The following ZFAND4 variants were observed in gnomAD, a reference collection of about 807,000 sequenced individuals.
ZFAND4 encodes the protein AN1-type zinc finger protein 4.
ZFAND4 carries 43 observed loss-of-function variants against 64.4 expected under a neutral mutation model. The ratio of observed to expected loss-of-function variants is 0.67; its 90% CI spans 0.52 to 0.86. The LOEUF is 0.86. Among genes scored for constraint, ZFAND4 ranks in the 40% least tolerant of loss-of-function variants. The probability of loss-of-function intolerance (pLI) is 0.00; values close to 1 mark genes in which losing one functional copy is unlikely to be tolerated. For missense variants in ZFAND4, 929 were observed against 859.8 expected, an observed-to-expected ratio of 1.08 and a Z score of -1.01; for synonymous variants, 296 against 305.7, an observed-to-expected ratio of 0.97 and a Z score of 0.33.
chr10:45,625,398 C>T (rs1036323036), intron 7 of ZFAND4, among the ~76,000 whole-genome samples: 2 of 146,810 alleles, frequency 1.4e-5, no homozygotes, highest in East Asian at 2.1e-4. Context: ...GGCGTGAACC[C>T]GGGAGGCAGA....
intron 6 of ZFAND4, among the ~76,000 whole-genome samples, chr10:45,635,824 T>A (rs1027402576): frequency 3.3e-5 from 5 of 152,220 alleles, no homozygotes; most frequent in African/African-American, 1.2e-4. Flanking sequence ...TGTTATACAC[T>A]TAACATTACT....
rs1173808756 is a variant in ZFAND4, at chr10:45,635,195, C to CAAAAAAAA, written c.717+4613_717+4620dup. Among the ~76,000 whole-genome samples the CAAAAAAAA allele has an allele frequency of 1.6e-3, 44 of 27,574 alleles. 1 individual carries two copies. Among genetic ancestry groups the CAAAAAAAA allele is most frequent in the African/African-American group, 2.9e-3 (17 of 5,862 alleles). The allele number at this position is 27,574 out of a possible 152,430, so 18.1% of individuals were successfully genotyped here. On this transcript the variant is annotated intron_variant, in intron 6 of 9. Transcript: ENST00000344646. The stretch of plus-strand genomic sequence containing the variant: ...CACAGAATAGTCAAAGCCATCTAAG[C>CAAAAAAAA]AAAAAAAAAAAAAAAAAACAAAAAA...
intron 5 of ZFAND4, among the ~76,000 whole-genome samples, chr10:45,648,081 A>G (rs1415536162): frequency 2.0e-5 from 3 of 152,196 alleles, no homozygotes; most frequent in African/African-American, 4.8e-5. Flanking sequence ...TCTATAATCT[A>G]TTAGGCATCT....
chr10:45,632,347 G>A (rs1444716540), intron 6 of ZFAND4, among the ~76,000 whole-genome samples: 1 of 152,146 alleles, frequency 6.6e-6, no homozygotes, highest in Non-Finnish European at 1.5e-5. Flanking sequence ...GACAGGGCAA[G>A]ACTCCATCTC....
intron 1 of ZFAND4, among the ~76,000 whole-genome samples, chr10:45,666,881 C>T (rs2048860088): frequency 6.6e-6 from 1 of 152,146 alleles, no homozygotes; most frequent in Admixed American, 6.5e-5. Flanking sequence ...CCAGTACCAC[C>T]ACATCTTAAT....
Position 45,651,955 on chromosome 10 carries a change from T to C in ZFAND4, c.328+11A>G, listed in dbSNP as rs370812407. 2.2e-5 allele frequency: 36 copies of C among 1,610,772 alleles called. No individual in the cohort carries two copies. The South Asian group carries it at 3.5e-4, about 16-fold the overall frequency. On this transcript the variant is annotated intron_variant, in intron 4 of 9. Coordinates refer to ENST00000344646, the MANE Select transcript of ZFAND4 (RefSeq NM_174890.4). The stretch of plus-strand genomic sequence containing the variant: ...TACTGTCAAATTGCTTTAATATATA[T>C]ATATGCCTACCTCTTCTAGTATTTA...
At chr10:45,634,330 C>T (rs1465309818) in intron 6 of ZFAND4, among the ~76,000 whole-genome samples, 1 of 152,042 alleles carries the variant, frequency 6.6e-6, no homozygotes, top group Non-Finnish European at 1.5e-5. Context: ...CAAGACCATT[C>T]TGGCCAACAT....
Position 45,616,393 on chromosome 10 carries a change from A to G in ZFAND4, c.*43T>C, listed in dbSNP as rs781421332. On this transcript the variant is annotated 3_prime_UTR_variant, in exon 10 of 10. Transcript: ENST00000344646. The stretch of plus-strand genomic sequence containing the variant: ...TCTAAACAACATTTCTTCTGTCATT[A>G]TAATACGAATCCCGGGCAGAACAGT... The G allele has an allele frequency of 1.2e-6, 2 of 1,602,940 alleles. No homozygotes were observed. The highest frequency in any genetic ancestry group is 2.3e-5 in the South Asian group (2 of 88,760).
intron 1 of ZFAND4, among the ~76,000 whole-genome samples, chr10:45,666,667 G>A (rs1283146920): frequency 6.6e-6 from 1 of 152,162 alleles, no homozygotes; most frequent in African/African-American, 2.4e-5. Context: ...TAGGTGTACT[G>A]TCCAATTTCA....
chr10:45,625,958 A>T lies in ZFAND4; in HGVS notation c.1865T>A (p.Val622Asp), dbSNP rs767711108. The T allele has an allele frequency of 6.2e-7, 1 of 1,612,146 alleles. No homozygotes were observed. The highest frequency in any genetic ancestry group is 1.1e-5 in the South Asian group (1 of 90,818). The change falls in exon 7 of 10, where the codon GTT becomes GAT. Residue 622 changes from valine to aspartate, a missense_variant. By Grantham distance (152) the Val-to-Asp change is radical. Coordinates refer to ENST00000344646, the MANE Select transcript of ZFAND4 (RefSeq NM_174890.4). ...KSSPQLEHTG[V>D]FLSTHGVGMN... Reference sequence around the variant, plus strand: ...TGAAAGGAAAATACTGACCAAAAAAACTCCTGTATGTTCTAACTGGGGAGA... The same window carrying T: ...TGAAAGGAAAATACTGACCAAAAAATCTCCTGTATGTTCTAACTGGGGAGA...
intron 5 of ZFAND4, among the ~76,000 whole-genome samples, chr10:45,647,505 C>T (rs1406502539): frequency 6.7e-6 from 1 of 149,868 alleles, no homozygotes; most frequent in Non-Finnish European, 1.5e-5. Context: ...GCTTTGTCTG[C>T]TTGGCAAACT....
intron 5 of ZFAND4, among the ~76,000 whole-genome samples, chr10:45,642,144 T>G (rs747362198): frequency 6.6e-6 from 1 of 152,200 alleles, no homozygotes; most frequent in Admixed American, 6.5e-5. Flanking sequence ...TCAGTTACCT[T>G]GCAATATTTT....
chr10:45,656,985 T>G (rs2048166472), intron 2 of ZFAND4, among the ~76,000 whole-genome samples: 1 of 151,876 alleles, frequency 6.6e-6, no homozygotes, highest in East Asian at 1.9e-4. Flanking sequence ...AGACATCCAA[T>G]CTATGGTATT....
chr10:45,654,346 C>G (rs902977604), intron 2 of ZFAND4, among the ~76,000 whole-genome samples: 6 of 152,126 alleles, frequency 3.9e-5, no homozygotes, highest in African/African-American at 1.4e-4. Context: ...TTGGGCTGGG[C>G]ACAGTAGCTC....
intron 4 of ZFAND4, among the ~76,000 whole-genome samples, chr10:45,649,426 T>A (rs2047613507): frequency 6.6e-6 from 1 of 152,194 alleles, no homozygotes; most frequent in Non-Finnish European, 1.5e-5. Flanking sequence ...ACATCTGTTT[T>A]CTCCTAAAAG....
intron 4 of ZFAND4, chr10:45,650,525 A>C (rs1450424188): frequency 2.6e-5 from 4 of 152,096 alleles, no homozygotes; most frequent in African/African-American, 7.2e-5. Context: ...AAAAAAAAGA[A>C]AAGTAAAAAA....
In ZFAND4 at chr10:45,626,183, C is replaced by G. The variant is rs751952776; in HGVS notation, c.1640G>C (p.Arg547Pro). Reference protein sequence around the residue: ...RSDVISKVEARDITEMTNKAS... With the variant: ...RSDVISKVEAPDITEMTNKAS... The stretch of plus-strand genomic sequence containing the variant: ...CTTGTTAGTCATTTCTGTGATATCC[C>G]GAGCCTCAACTTTGGAAATAACATC... The change falls in exon 7 of 10, where the codon CGG becomes CCG. Residue 547 changes from arginine (R) to proline (P), a missense_variant. By Grantham distance (103) the Arg-to-Pro change is moderately radical. Coordinates refer to ENST00000344646, the MANE Select transcript of ZFAND4 (RefSeq NM_174890.4). The G allele has an allele frequency of 1.8e-5, 29 of 1,613,972 alleles. No individual in the cohort carries two copies. Among genetic ancestry groups the G allele is most frequent in the Non-Finnish European group, 2.2e-5 (26 of 1,180,044 alleles).
At chr10:45,635,156 G>A (rs1388353742) in intron 6 of ZFAND4, among the ~76,000 whole-genome samples, 1 of 113,608 alleles carries the variant, frequency 8.8e-6, no homozygotes, top group Admixed American at 1.0e-4. Context: ...AAATTTACAT[G>A]GAACCACAAA....
chr10:45,621,297 G>A (rs1347552857), intron 8 of ZFAND4, among the ~76,000 whole-genome samples: 2 of 151,954 alleles, frequency 1.3e-5, no homozygotes, highest in Non-Finnish European at 2.9e-5. Context: ...CAGAATGATA[G>A]TTATTACAGT....
Sources: gnomAD v4.1 joint callset for allele counts (sites outside exome capture counted in the v4.1 genomes callset) on GRCh38, gnomAD v4.1.1 for gene constraint, MANE v1.5 for transcripts, NCBI Gene and HGNC (gene_info 2026-07-23, HGNC 2026-07-21) for gene names.